PTPRD: variants seen among roughly 807,000 people sequenced by gnomAD.
PTPRD encodes protein tyrosine phosphatase receptor type D.
PTPRD carries 34 observed loss-of-function variants against 214.5 expected under a neutral mutation model. That is an observed-to-expected ratio of 0.16 (90% CI 0.12 to 0.21). The LOEUF is 0.21. Among genes scored for constraint, PTPRD ranks in the 10% least tolerant of loss-of-function variants. The pLI is 1.00. For synonymous variants in PTPRD, 1,128 were observed against 845.7 expected (o/e 1.33, Z -5.79); for missense variants, 2,545 against 2,398.7 (o/e 1.06, Z -1.27).
chr9:10,349,235 A>C (rs2097141809), intron 2 of PTPRD, among the ~76,000 whole-genome samples: 1 of 117,500 alleles, frequency 8.5e-6, no homozygotes. Flanking sequence ...GGGGAAAGTC[A>C]TAGACCTGTC....
chr9:10,519,552 T>G (rs1379760947), intron 2 of PTPRD, among the ~76,000 whole-genome samples: 1 of 152,006 alleles, frequency 6.6e-6, no homozygotes, highest in Admixed American at 6.6e-5. Flanking sequence ...TAATGTGTCT[T>G]AGCACATAGA....
intron 10 of PTPRD, among the ~76,000 whole-genome samples, chr9:9,137,131 CTGG>C (rs2099852139): frequency 6.6e-6 from 1 of 152,144 alleles, no homozygotes; most frequent in South Asian, 2.1e-4. Flanking sequence ...TTCACTGTTT[CTGG>C]AATGCAGAAT....
chr9:9,930,539 G>C (rs928921365), intron 5 of PTPRD, among the ~76,000 whole-genome samples: 2 of 152,064 alleles, frequency 1.3e-5, no homozygotes, highest in East Asian at 3.9e-4. Context: ...AAGAACTGCA[G>C]AAAAAGCATT....
chr9:9,289,115 G>T (rs1478617193), intron 9 of PTPRD, among the ~76,000 whole-genome samples: 1 of 151,656 alleles, frequency 6.6e-6, no homozygotes, highest in African/African-American at 2.4e-5. Flanking sequence ...AAAAACACAT[G>T]GGCTAGCAAA....
chr9:9,170,972 G>A (rs562199022), intron 10 of PTPRD, among the ~76,000 whole-genome samples: 1 of 152,228 alleles, frequency 6.6e-6, no homozygotes, highest in Admixed American at 6.5e-5. Context: ...AACTTGATGT[G>A]GGTTACAGGC....
At chr9:10,082,885 G>C (rs960146207) in intron 3 of PTPRD, among the ~76,000 whole-genome samples, 2 of 150,384 alleles carry the variant, frequency 1.3e-5, no homozygotes, top group African/African-American at 4.9e-5. Context: ...TTTTGGGGTT[G>C]TCAATGGTAA....
At chr9:9,585,847 A>C (rs143237536) in intron 7 of PTPRD, among the ~76,000 whole-genome samples, 1 of 152,150 alleles carries the variant, frequency 6.6e-6, no homozygotes, top group East Asian at 1.9e-4. Flanking sequence ...AAAATCTAAC[A>C]ATGAATAAAA....
At chr9:9,807,555 C>T (rs1278359515) in intron 5 of PTPRD, among the ~76,000 whole-genome samples, 1 of 152,166 alleles carries the variant, frequency 6.6e-6, no homozygotes, top group Admixed American at 6.5e-5. Flanking sequence ...CCCAAGAATA[C>T]TCTCCACTGA....
rs559497274 is a variant in PTPRD at position 9,153,526 on chromosome 9, T to A, written c.-143+29778A>T. Among the ~76,000 whole-genome samples the A allele has an allele frequency of 2.0e-5, 3 of 152,332 alleles. No homozygotes were observed. The South Asian group carries it at 6.2e-4, about 32-fold the overall frequency. On this transcript the variant is annotated intron_variant, in intron 10 of 45. Coordinates refer to ENST00000381196, the MANE Select transcript of PTPRD (RefSeq NM_002839.4). Reference sequence around the variant, plus strand: ...AATGTGAGAGGTCAATTTCTCCATATGCCATAAGGTACAGAAATTAATGTC... The same window carrying A: ...AATGTGAGAGGTCAATTTCTCCATAAGCCATAAGGTACAGAAATTAATGTC...
intron 35 of PTPRD, among the ~76,000 whole-genome samples, chr9:8,434,509 A>C (rs1338310166): frequency 1.3e-5 from 2 of 152,218 alleles, no homozygotes; most frequent in African/African-American, 4.8e-5. Context: ...CCCTGTCATC[A>C]AGTGGTGCAT....
chr9:10,567,684 A>C (rs1200241176), intron 2 of PTPRD, among the ~76,000 whole-genome samples: 1 of 151,900 alleles, frequency 6.6e-6, no homozygotes, highest in African/African-American at 2.4e-5. Context: ...TTAAATACAC[A>C]TTGTTTTAAA....
At chr9:9,167,625 C>A (rs1243071061) in intron 10 of PTPRD, among the ~76,000 whole-genome samples, 1 of 151,580 alleles carries the variant, frequency 6.6e-6, no homozygotes, top group African/African-American at 2.4e-5. Flanking sequence ...TATGGTGGTG[C>A]GTGCCTGTAA....
chr9:9,783,995 G>A (rs1476909369), intron 5 of PTPRD, among the ~76,000 whole-genome samples: 1 of 151,960 alleles, frequency 6.6e-6, no homozygotes, highest in African/African-American at 2.4e-5. Flanking sequence ...TTCTTGGTGA[G>A]TCATGATAAA....
intron 9 of PTPRD, among the ~76,000 whole-genome samples, chr9:9,297,139 A>C (rs1433938134): frequency 6.6e-6 from 1 of 151,678 alleles, no homozygotes; most frequent in Non-Finnish European, 1.5e-5. Flanking sequence ...AGTCTTCCCA[A>C]ATTTCTCCAG....
chr9:8,990,780 C>T (rs2099363272), intron 11 of PTPRD, among the ~76,000 whole-genome samples: 1 of 152,234 alleles, frequency 6.6e-6, no homozygotes, highest in Admixed American at 6.5e-5. Context: ...GGAAGGAATG[C>T]TTCAGAGAAA....
At chr9:8,895,094 T>A (rs1198187880) in intron 11 of PTPRD, among the ~76,000 whole-genome samples, 1 of 152,266 alleles carries the variant, frequency 6.6e-6, no homozygotes, top group Non-Finnish European at 1.5e-5. Flanking sequence ...TGTGCAGTAC[T>A]CTTACACTGT....
intron 14 of PTPRD, among the ~76,000 whole-genome samples, chr9:8,580,149 T>A (rs1024146323): frequency 3.3e-5 from 5 of 152,162 alleles, no homozygotes; most frequent in Admixed American, 3.3e-4. Context: ...AAACAAATGT[T>A]TATGGAAAGT....
chr9:9,468,287 A>G (rs2094356306), intron 8 of PTPRD, among the ~76,000 whole-genome samples: 1 of 152,014 alleles, frequency 6.6e-6, no homozygotes, highest in African/African-American at 2.4e-5. Context: ...AATGTTGGTA[A>G]AAGTTTATAA....
chr9:10,382,733 A>G (rs570297760), intron 2 of PTPRD, among the ~76,000 whole-genome samples: 1 of 152,068 alleles, frequency 6.6e-6, no homozygotes, highest in East Asian at 1.9e-4. Context: ...AAACCCTAAG[A>G]TATCTATTTT....
Sources: gnomAD v4.1 joint callset for allele counts (sites outside exome capture counted in the v4.1 genomes callset) on GRCh38, gnomAD v4.1.1 for gene constraint, MANE v1.5 for transcripts, NCBI Gene and HGNC (gene_info 2026-07-23, HGNC 2026-07-21) for gene names.